The following ADPRHL1 variants were observed in gnomAD, a reference collection of about 807,000 sequenced individuals.
ADPRHL1 encodes ADP-ribosylhydrolase like 1, also known as inactive ADP-ribosyltransferase ARH2.
ADPRHL1 carries 43 observed loss-of-function variants against 44.1 expected under a neutral mutation model. The observed-to-expected ratio is 0.98, with a 90% CI of 0.76 to 1.26. The LOEUF (loss-of-function observed/expected upper bound fraction) is 1.26. ADPRHL1 is among the 50% of genes most tolerant of loss of function. The pLI, the probability that ADPRHL1 is intolerant of heterozygous loss-of-function variation, is 0.00. For synonymous variants in ADPRHL1, 878 were observed against 1,017.4 expected, an observed-to-expected ratio of 0.86 and a Z score of 2.61; for missense variants, 2,022 against 2,496.9, an observed-to-expected ratio of 0.81 and a Z score of 4.05.
intron 2 of ADPRHL1, among the ~76,000 whole-genome samples, chr13:113,435,403 T>C (rs1283823339): frequency 6.7e-5 from 8 of 119,232 alleles, no homozygotes; most frequent in African/African-American, 1.0e-4. Flanking sequence ...GGCACCCAGG[T>C]GTAGAGTGAA....
chr13:113,420,850 CT>C (rs1346145074), intron 7 of ADPRHL1, among the ~76,000 whole-genome samples: 2 of 151,668 alleles, frequency 1.3e-5, no homozygotes, highest in African/African-American at 4.9e-5. Flanking sequence ...ACCTCTACCC[CT>C]GGGACACACC....
Position 113,407,883 on chromosome 13 carries a change from C to G in ADPRHL1, c.1399G>C (p.Val467Leu). The change falls in exon 8 of 8, where the codon GTG becomes CTG. Residue 467 changes from valine to leucine, a missense_variant. Coordinates refer to ENST00000612156, the MANE Select transcript of ADPRHL1 (RefSeq NM_001394807.1). The part of the protein sequence containing the change: ...KDKQGPGGGL[V>L]GATINKLLEK... ...AGGAGCTTGTTGATGGTGGCACCCA[C>G]GAGGCCCCCACCCGGCCCCTGCTTG... 1 of 1,231,958 alleles carries G rather than the reference C, an allele frequency of 8.1e-7. No homozygotes were observed. Among genetic ancestry groups the G allele is most frequent in the Non-Finnish European group, 1.0e-6 (1 of 987,996 alleles). The allele number at this position is 1,231,958 out of a possible 1,614,324, so 76.3% of individuals were successfully genotyped here. A position where few individuals can be genotyped will look rare whatever the true frequency, so the allele number is the denominator to read the frequency against.
chr13:113,408,314 A>C, intron 7 of ADPRHL1, 94 bp from the exon 8 acceptor site: 4 of 1,208,190 alleles, frequency 3.3e-6, no homozygotes, highest in Non-Finnish European at 4.1e-6. Context: ...CCACCTTTTC[A>C]GGGGCCCCAA....
chr13:113,415,015 T>C (rs2043879958), intron 7 of ADPRHL1, among the ~76,000 whole-genome samples: 1 of 152,094 alleles, frequency 6.6e-6, no homozygotes, highest in Non-Finnish European at 1.5e-5. Flanking sequence ...GTGCCCATTT[T>C]CCCCTGAAGC....
chr13:113,432,009 C>T (rs554395189), intron 3 of ADPRHL1, among the ~76,000 whole-genome samples: 3 of 152,124 alleles, frequency 2.0e-5, no homozygotes, highest in African/African-American at 2.4e-5. Context: ...TGAGCCACCG[C>T]GCCTGGCCGT....
In ADPRHL1 at chr13:113,404,540, T is replaced by C; in HGVS notation, c.4742A>G (p.Gln1581Arg). The C allele has an allele frequency of 7.7e-7, 1 of 1,304,738 alleles. No individual in the cohort carries two copies. Among genetic ancestry groups the C allele is most frequent in the Non-Finnish European group, 9.7e-7 (1 of 1,032,272 alleles). 80.8% of individuals were successfully genotyped at this position (1,304,738 alleles called of 1,614,324 possible). ...PAQGGAQGQVQGQAQKWAQGQ... is the reference protein window; with the variant it reads ...PAQGGAQGQVRGQAQKWAQGQ... The stretch of plus-strand genomic sequence containing the variant: ...CTGAGCCCATTTCTGGGCCTGTCCC[T>C]GAACCTGTCCCTGGGCCCCACCCTG... The change falls in exon 8 of 8, where the codon CAG becomes CGG. Residue 1581 changes from glutamine to arginine, a missense_variant. Physicochemically the swap from Gln to Arg is conservative, Grantham distance 43 (BLOSUM62 1). This residue lies in a region of ADPRHL1 where 78 missense variants were observed against 76.5 expected (regional missense o/e 1.02). Coordinates refer to ENST00000612156, the MANE Select transcript of ADPRHL1 (RefSeq NM_001394807.1).
At position 113,406,806 on chromosome 13, in the gene ADPRHL1, G is replaced by T; in HGVS notation, c.2476C>A (p.Pro826Thr). 1 of 1,232,066 alleles carries T rather than the reference G, an allele frequency of 8.1e-7. No individual in the cohort carries two copies. The highest frequency in any genetic ancestry group is 4.1e-5 in the South Asian group (1 of 24,318). The allele number at this position is 1,232,066 out of a possible 1,614,324, so 76.3% of individuals were successfully genotyped here. A position where few individuals can be genotyped will look rare whatever the true frequency, so the allele number is the denominator to read the frequency against. The change falls in exon 8 of 8, where the codon CCA becomes ACA. Residue 826 changes from proline (P) to threonine (T), a missense_variant. By Grantham distance (38) the Pro-to-Thr change is conservative. This residue lies in a region of ADPRHL1 where 1,221 missense variants were observed against 1,517.8 expected (regional missense o/e 0.80). Coordinates refer to ENST00000612156, the MANE Select transcript of ADPRHL1 (RefSeq NM_001394807.1). Reference sequence around the variant, plus strand: ...GTTCTCCGAGCAGCCTGGACCGATGGAGCGTTCAGGGGTGGGATGTGCTCC... The same window carrying T: ...GTTCTCCGAGCAGCCTGGACCGATGTAGCGTTCAGGGGTGGGATGTGCTCC... ...VPEHIPPLNA[P>T]SVQAARRTQP...
rs973194705 is a variant in ADPRHL1, at chr13:113,451,837, C to T, written c.214+1387G>A. Among the ~76,000 whole-genome samples the T allele has an allele frequency of 4.6e-5, 7 of 152,100 alleles. No homozygotes were observed. In the South Asian group the frequency reaches 8.3e-4, roughly 18 times the overall value. Reference sequence around the variant, plus strand: ...AACAAACAAAAAACAGTGCCCTAAACGTCCGTAACCCTTTTAACTGTGTGA... The same window carrying T: ...AACAAACAAAAAACAGTGCCCTAAATGTCCGTAACCCTTTTAACTGTGTGA... On this transcript the variant is annotated intron_variant, in intron 1 of 7. Transcript: ENST00000612156.
At chr13:113,423,652 G>C (rs968776476) in intron 6 of ADPRHL1, among the ~76,000 whole-genome samples, 1 of 152,210 alleles carries the variant, frequency 6.6e-6, no homozygotes, top group Admixed American at 6.5e-5. Flanking sequence ...GAGCTGCCTG[G>C]AGCTGCCACA....
intron 1 of ADPRHL1, among the ~76,000 whole-genome samples, chr13:113,448,459 A>G (rs2044156982): frequency 9.6e-6 from 1 of 104,084 alleles, no homozygotes; most frequent in South Asian, 3.2e-4. Flanking sequence ...GAGTGAGACT[A>G]TGTCCCAAAA....
rs2139594468 is a variant in ADPRHL1 at position 113,406,294 on chromosome 13, T to A, written c.2988A>T (p.Ser996=). Residue 996 remains serine, a synonymous_variant, in exon 8 of 8, where the codon TCA becomes TCT. Coordinates refer to ENST00000612156, the MANE Select transcript of ADPRHL1 (RefSeq NM_001394807.1). The part of the protein sequence containing the change: ...KHPLPESNEI[S]MQKKGSATND... ...TTGTTGCGGAGCCCTTCTTCTGCAT[T>A]GATATTTCATTAGATTCCGGCAACG... is the stretch of plus-strand genomic sequence containing the variant. 8.1e-7 allele frequency: 1 copy of A among 1,232,108 alleles called. No homozygotes were observed. Among genetic ancestry groups the A allele is most frequent in the East Asian group, 3.2e-5 (1 of 31,712 alleles). 76.3% of individuals were successfully genotyped at this position (1,232,108 alleles called of 1,614,324 possible). A position where few individuals can be genotyped will look rare whatever the true frequency, so the allele number is the denominator to read the frequency against.
At position 113,428,956 on chromosome 13, in the gene ADPRHL1, C is replaced by T. The variant is rs774995395; in HGVS notation, c.642G>A (p.Thr214=). 213 of 1,612,396 alleles carry T rather than the reference C, an allele frequency of 1.3e-4. No individual in the cohort carries two copies. Among genetic ancestry groups the T allele is most frequent in the South Asian group, 3.5e-4 (32 of 91,088 alleles). ...GGGGCCGGGGGAGCGGCTCACCTGC[C>T]GTGTGCCGGATGGTCTTCCTGCAGT... ...EEYCRKTIRH[T]AEYQEHWFYF... The change falls in exon 4 of 8, where the codon ACG becomes ACA. Residue 214 remains threonine, a synonymous_variant. Coordinates refer to ENST00000612156, the MANE Select transcript of ADPRHL1 (RefSeq NM_001394807.1).
chr13:113,418,250 GAATA>G (rs1164200373), intron 7 of ADPRHL1, among the ~76,000 whole-genome samples: 2 of 152,216 alleles, frequency 1.3e-5, no homozygotes, highest in Admixed American at 6.5e-5. Flanking sequence ...GTGGAGCATG[GAATA>G]GACAGGGGAA....
rs1321118727 is a variant in ADPRHL1 at position 113,406,745 on chromosome 13, T to C, written c.2537A>G (p.Gln846Arg). ...TGGCATTTCATGGACAACTGGAATT[T>C]GGACAGTTATCCGTGGAGGCTCCGT... ...PATEPPRITV[Q>R]IPVVHEMPAP... Residue 846 changes from glutamine to arginine, a missense_variant, in exon 8 of 8, where the codon CAA (glutamine) becomes CGA (arginine). Physicochemically the swap from Gln to Arg is conservative, Grantham distance 43. This residue lies in a region of ADPRHL1 where 1,221 missense variants were observed against 1,517.8 expected (regional missense o/e 0.80). Transcript: ENST00000612156. 1 of 1,231,890 alleles carries C rather than the reference T, an allele frequency of 8.1e-7. No homozygotes were observed. The highest frequency in any genetic ancestry group is 3.2e-5 in the East Asian group (1 of 31,720). 76.3% of individuals were successfully genotyped at this position (1,231,890 alleles called of 1,614,324 possible).
At position 113,407,497 on chromosome 13, in the gene ADPRHL1, C is replaced by T. The variant is rs566823018; in HGVS notation, c.1785G>A (p.Thr595=). 3.5e-5 allele frequency: 43 copies of T among 1,232,124 alleles called. No homozygotes were observed. The East Asian group carries it at 5.1e-4, about 14-fold the overall frequency. The allele number at this position is 1,232,124 out of a possible 1,614,324, so 76.3% of individuals were successfully genotyped here. ...MHRPEVRVLH[T]ATMASTCVKM... The stretch of plus-strand genomic sequence containing the variant: ...TGACGCAGGTGCTGGCCATGGTGGC[C>T]GTGTGCAGCACGCGCACCTCCGGCC... Residue 595 remains threonine (T), a synonymous_variant, in exon 8 of 8, where the codon ACG becomes ACA. Transcript: ENST00000612156.
chr13:113,418,716 T>C (rs191941205), intron 7 of ADPRHL1, among the ~76,000 whole-genome samples: 1 of 152,188 alleles, frequency 6.6e-6, no homozygotes, highest in African/African-American at 2.4e-5. Flanking sequence ...AGAGCTCACA[T>C]CCGTGGGCCT....
At chr13:113,424,811 TGCAC>T (rs1566473067) in intron 5 of ADPRHL1, among the ~76,000 whole-genome samples, 1 of 3,988 alleles carries the variant, frequency 2.5e-4, no homozygotes, top group African/African-American at 9.8e-4. Flanking sequence ...CACCCACCCA[TGCAC>T]CCATCCATTC....
chr13:113,443,722 A>C (rs895039036), intron 2 of ADPRHL1, among the ~76,000 whole-genome samples: 1 of 152,068 alleles, frequency 6.6e-6, no homozygotes, highest in African/African-American at 2.4e-5. Context: ...AGGCAGGTAG[A>C]TCACCTGAGG....
rs567897239 is a variant in ADPRHL1 at position 113,409,079 on chromosome 13, A to G, written c.1062-859T>C. Reference sequence around the variant, plus strand: ...AGGCTGGGGGCTGCCGCCCTTTCCCAGTGAGATGTTTTTCTGCAGGTTCAC... The same window carrying G: ...AGGCTGGGGGCTGCCGCCCTTTCCCGGTGAGATGTTTTTCTGCAGGTTCAC... On this transcript the variant is annotated intron_variant, in intron 7 of 7. Transcript: ENST00000612156. This position sits in a 1 kb window ranked among gnomAD's most constrained non-coding sequence, Gnocchi z 4.2. Among the ~76,000 whole-genome samples the G allele has an allele frequency of 2.6e-5, 4 of 152,176 alleles. No individual in the cohort carries two copies. The highest frequency in any genetic ancestry group is 7.2e-5 in the African/African-American group (3 of 41,438).
Sources: allele counts gnomAD v4.1 joint callset (sites outside exome capture counted in the v4.1 genomes callset), GRCh38; gene constraint gnomAD v4.1.1; regional missense constraint gnomAD v4.1.1; non-coding constraint Gnocchi (gnomAD v3.1); transcripts MANE v1.5; gene names NCBI Gene and HGNC (gene_info 2026-07-23, HGNC 2026-07-21).